The following PRDM5 variants were observed in gnomAD, a reference collection of about 807,000 sequenced individuals.
The protein encoded by PRDM5 is PR/SET domain 5, also known as PR domain zinc finger protein 5.
A neutral mutation model predicts 81.2 loss-of-function variants in PRDM5; 56 were observed. The ratio of observed to expected loss-of-function variants is 0.69; its 90% CI spans 0.56 to 0.86. The LOEUF (loss-of-function observed/expected upper bound fraction) is 0.86. Ranked by LOEUF, PRDM5 falls within the 40% of genes least tolerant of loss-of-function variation. The pLI is 0.00. For synonymous variants in PRDM5, 267 were observed against 256.4 expected (o/e 1.04, Z -0.39); for missense variants, 697 against 770.1 (o/e 0.91, Z 1.12).
At chr4:120,740,801 A>C (rs1741811622) in intron 14 of PRDM5, among the ~76,000 whole-genome samples, 1 of 152,164 alleles carries the variant, frequency 6.6e-6, no homozygotes, top group African/African-American at 2.4e-5. Context: ...GATAGAACTG[A>C]TAATGTCACT....
rs188451903 is a variant in PRDM5 at position 120,742,346 on chromosome 4, A to G, written c.1623+12207T>C. The stretch of plus-strand genomic sequence containing the variant: ...GATGGGGAAAAAACAGAACAGAAAA[A>G]CTGGAAACTCTAAAAAGCAGAGCGC... On this transcript the variant is annotated intron_variant, in intron 14 of 15. Coordinates refer to ENST00000264808, the MANE Select transcript of PRDM5 (RefSeq NM_018699.4). Among the ~76,000 whole-genome samples the G allele has an allele frequency of 3.0e-3, 455 of 152,300 alleles. 1 individual carries two copies. Among genetic ancestry groups the G allele is most frequent in the African/African-American group, 0.011 (438 of 41,548 alleles).
At position 120,693,695 on chromosome 4, in the gene PRDM5, C is replaced by G. The variant is rs1734239781; in HGVS notation, c.*1416G>C. 6.6e-6 allele frequency: 1 copy of G among 152,120 alleles called. No homozygotes were observed. The highest frequency in any genetic ancestry group is 1.9e-4 in the East Asian group (1 of 5,190). 9.4% of individuals were successfully genotyped at this position (152,120 alleles called of 1,614,324 possible). A position where few individuals can be genotyped will look rare whatever the true frequency, so the allele number is the denominator to read the frequency against. On this transcript the variant is annotated 3_prime_UTR_variant, in exon 16 of 16. Coordinates refer to ENST00000264808, the MANE Select transcript of PRDM5 (RefSeq NM_018699.4). ...GATTCCTGAAGTCAAAGAACTGTGTCTCAGATAACCTTTCTCCTTAACTCA... is the reference window on the plus strand; with the variant it reads ...GATTCCTGAAGTCAAAGAACTGTGTGTCAGATAACCTTTCTCCTTAACTCA...
intron 13 of PRDM5, among the ~76,000 whole-genome samples, chr4:120,765,800 A>G (rs1279499520): frequency 6.6e-6 from 1 of 152,230 alleles, no homozygotes; most frequent in Non-Finnish European, 1.5e-5. Flanking sequence ...TCAAGGGAGT[A>G]TGAATACCTG....
chr4:120,868,978 C>T (rs888556717), intron 2 of PRDM5, among the ~76,000 whole-genome samples: 1 of 152,050 alleles, frequency 6.6e-6, no homozygotes, highest in Non-Finnish European at 1.5e-5. Context: ...ATCAACATAG[C>T]CCTCCTTTGG....
chr4:120,851,506 A>G (rs1759272964), intron 3 of PRDM5, among the ~76,000 whole-genome samples: 1 of 151,710 alleles, frequency 6.6e-6, no homozygotes, highest in African/African-American at 2.4e-5. Flanking sequence ...TTGTGGTTGG[A>G]TCAATGGCCA....
At chr4:120,916,947 C>T (rs1010567793) in intron 1 of PRDM5, among the ~76,000 whole-genome samples, 1 of 152,266 alleles carries the variant, frequency 6.6e-6, no homozygotes, top group Non-Finnish European at 1.5e-5. Context: ...AGTTTACACA[C>T]TTGCCCTGTG....
At chr4:120,871,074 G>GT (rs1761736114) in intron 2 of PRDM5, among the ~76,000 whole-genome samples, 2 of 152,094 alleles carry the variant, frequency 1.3e-5, no homozygotes, top group Non-Finnish European at 2.9e-5. Context: ...CTCTCCACAT[G>GT]GGAAGAGGGA....
In PRDM5 at chr4:120,799,830, A is replaced by G. The variant is rs1303942115; in HGVS notation, c.946-85T>C. On this transcript the variant is annotated intron_variant, in intron 8 of 15. Coordinates refer to ENST00000264808, the MANE Select transcript of PRDM5 (RefSeq NM_018699.4). ...CTCAAGCAAAAGTGTAAACATGTGA[A>G]CAGCTGCCACTGCAATACCCAAACT... 3.2e-6 allele frequency: 5 copies of G among 1,549,654 alleles called. No individual in the cohort carries two copies. The Admixed American group carries it at 7.7e-5, about 24-fold the overall frequency.
At chr4:120,861,671 G>A (rs185503654) in intron 2 of PRDM5, among the ~76,000 whole-genome samples, 3 of 151,994 alleles carry the variant, frequency 2.0e-5, no homozygotes, top group Non-Finnish European at 2.9e-5. Context: ...GGTGGAGCAC[G>A]CCTGTAGTCC....
At chr4:120,833,146 C>G (rs776598321) in intron 3 of PRDM5, among the ~76,000 whole-genome samples, 2 of 152,184 alleles carry the variant, frequency 1.3e-5, no homozygotes, top group African/African-American at 4.8e-5. Context: ...TTCAGTTACA[C>G]TTGGTCAACC....
intron 1 of PRDM5, among the ~76,000 whole-genome samples, chr4:120,911,548 A>G (rs1387122037): frequency 6.6e-6 from 1 of 152,218 alleles, no homozygotes; most frequent in Non-Finnish European, 1.5e-5. Context: ...AAACTGTATG[A>G]TTGCAAAAAT....
At chr4:120,780,408 C>T (rs1054596223) in intron 12 of PRDM5, among the ~76,000 whole-genome samples, 12 of 151,802 alleles carry the variant, frequency 7.9e-5, no homozygotes, top group Admixed American at 5.3e-4. Flanking sequence ...GACACCACTG[C>T]ACTACAGCCT....
chr4:120,712,805 G>A lies in PRDM5; in HGVS notation c.1624-2392C>T, dbSNP rs1306244924. ...CATATTTACTAATTTTCAATGTTGG[G>A]CATATGACATTAAATAGCTGTATAC... On this transcript the variant is annotated intron_variant, in intron 14 of 15. Coordinates refer to ENST00000264808, the MANE Select transcript of PRDM5 (RefSeq NM_018699.4). Among the ~76,000 whole-genome samples, 4 of 151,998 alleles carry A rather than the reference G, an allele frequency of 2.6e-5. No individual in the cohort carries two copies. In the East Asian group the frequency reaches 7.7e-4, roughly 29 times the overall value.
chr4:120,872,150 C>CAAAAAAAAAAAAAAAAAAAA lies in PRDM5; in HGVS notation c.178-18630_178-18611dup, dbSNP rs70948365. Among the ~76,000 whole-genome samples the CAAAAAAAAAAAAAAAAAAAA allele has an allele frequency of 5.1e-3, 213 of 41,816 alleles. 19 individuals carry two copies. The highest frequency in any genetic ancestry group is 7.1e-3 in the Non-Finnish European group (178 of 25,042). The allele number at this position is 41,816 out of a possible 152,430, so 27.4% of individuals were successfully genotyped here. A position where few individuals can be genotyped will look rare whatever the true frequency, so the allele number is the denominator to read the frequency against. On this transcript the variant is annotated intron_variant, in intron 2 of 15. Transcript: ENST00000264808. ...TGGGCGACAGAGCAAGACTCCATCTCAAAAAAAAAAAAAAAAAAAAAAAAC... is the reference window on the plus strand; with the variant it reads ...TGGGCGACAGAGCAAGACTCCATCTCAAAAAAAAAAAAAAAAAAAAAAAAAAAAAAAAAAAAAAAAAAAAC...
rs1267188831 is a variant in PRDM5, at chr4:120,781,262, T to C, written c.1324A>G (p.Lys442Glu). 1 of 1,613,220 alleles carries C rather than the reference T, an allele frequency of 6.2e-7. No homozygotes were observed. Residue 442 changes from lysine to glutamate, a missense_variant, in exon 12 of 16, where the codon AAG becomes GAG. Around this residue, in one of 3 missense-constraint regions of PRDM5, gnomAD observed 577 missense variants for 606.7 expected, o/e 0.95. Transcript: ENST00000264808. The stretch of plus-strand genomic sequence containing the variant: ...TGAACATTTAATGTATCCTTCCTCT[T>C]AAAGGTAGCATCGCAGTGATGGCAC... Reference protein sequence around the residue: ...FKCHHCDATFKRKDTLNVHVQ... With the variant: ...FKCHHCDATFERKDTLNVHVQ...
Position 120,721,810 on chromosome 4 carries a change from C to G in PRDM5, c.1624-11397G>C, listed in dbSNP as rs529728738. 1.8e-3 allele frequency among the ~76,000 whole-genome samples: 279 copies of G among 152,222 alleles called. 1 individual carries two copies. The highest frequency in any genetic ancestry group is 6.8e-3 in the Middle Eastern group (2 of 294). On this transcript the variant is annotated intron_variant, in intron 14 of 15. Coordinates refer to ENST00000264808, the MANE Select transcript of PRDM5 (RefSeq NM_018699.4). ...TCTACAGCGCAGGTGTAGAACTCCA[C>G]TTGTTATCACAGCCATGTAGCCGTA... is the stretch of plus-strand genomic sequence containing the variant.
At chr4:120,860,328 A>T (rs912047230) in intron 2 of PRDM5, among the ~76,000 whole-genome samples, 1 of 152,288 alleles carries the variant, frequency 6.6e-6, no homozygotes, top group African/African-American at 2.4e-5. Flanking sequence ...AAGACACTTA[A>T]TGTAAAATAT....
At chr4:120,909,843 CTCT>C (rs1766289667) in intron 1 of PRDM5, among the ~76,000 whole-genome samples, 1 of 8,146 alleles carries the variant, frequency 1.2e-4, no homozygotes, top group Non-Finnish European at 3.8e-4. Context: ...AACAATCACT[CTCT>C]ATCATAAACT....
chr4:120,885,089 C>T (rs1330585517), intron 2 of PRDM5, among the ~76,000 whole-genome samples: 4 of 142,340 alleles, frequency 2.8e-5, no homozygotes, highest in African/African-American at 8.0e-5. Context: ...GAGCCGAGAT[C>T]GCGCCACTGT....
Sources: allele counts gnomAD v4.1 joint callset (sites outside exome capture counted in the v4.1 genomes callset), GRCh38; gene constraint gnomAD v4.1.1; regional missense constraint gnomAD v4.1.1; transcripts MANE v1.5; gene names NCBI Gene and HGNC (gene_info 2026-07-23, HGNC 2026-07-21).